The following PHLPP1 variants were observed in gnomAD, a reference collection of about 807,000 sequenced individuals.
PHLPP1 encodes the protein PH domain and leucine rich repeat protein phosphatase 1.
A neutral mutation model predicts 117.2 loss-of-function variants in PHLPP1; 42 were observed. The ratio of observed to expected loss-of-function variants is 0.36; its 90% CI spans 0.28 to 0.46. PHLPP1 has a LOEUF of 0.46. PHLPP1 is among the 20% of genes least tolerant of loss of function. The probability of loss-of-function intolerance (pLI) is 1.00; values close to 1 mark genes in which losing one functional copy is unlikely to be tolerated. For synonymous variants in PHLPP1, 1,042 were observed against 970.7 expected (o/e 1.07, Z -1.37); for missense variants, 2,084 against 2,241.9 (o/e 0.93, Z 1.42).
At chr18:62,775,388 C>T (rs924216123) in intron 1 of PHLPP1, among the ~76,000 whole-genome samples, 3 of 152,170 alleles carry the variant, frequency 2.0e-5, no homozygotes, top group Admixed American at 1.3e-4. Flanking sequence ...CGTGAGCCAC[C>T]GCGCCCAGCC....
At chr18:62,735,564 A>AAAC (rs34600395) in intron 1 of PHLPP1, among the ~76,000 whole-genome samples, 13,456 of 142,906 alleles carry the variant, frequency 0.094, 723 homozygotes, top group African/African-American at 0.17. Context: ...CCCCCCATCA[A>AAAC]AACAACAACA....
At chr18:62,945,681 C>T (rs943985214) in intron 12 of PHLPP1, among the ~76,000 whole-genome samples, 37 of 152,324 alleles carry the variant, frequency 2.4e-4, no homozygotes, top group African/African-American at 7.2e-4. Context: ...CCAACTCACC[C>T]AGTTAAATAG....
intron 12 of PHLPP1, among the ~76,000 whole-genome samples, chr18:62,949,050 T>TA (rs766490717): frequency 6.6e-6 from 1 of 152,192 alleles, no homozygotes; most frequent in Non-Finnish European, 1.5e-5. Flanking sequence ...CAACCTGTAT[T>TA]AAAATTTTAT....
intron 1 of PHLPP1, among the ~76,000 whole-genome samples, chr18:62,828,232 C>T (rs1002657588): frequency 6.6e-6 from 1 of 152,140 alleles, no homozygotes; most frequent in Non-Finnish European, 1.5e-5. Flanking sequence ...AGCTCTTAGA[C>T]TGGAAACCCC....
intron 1 of PHLPP1, among the ~76,000 whole-genome samples, chr18:62,729,127 A>G (rs1018113800): frequency 2.0e-5 from 3 of 152,224 alleles, no homozygotes; most frequent in African/African-American, 7.2e-5. Flanking sequence ...TTCCAAATAT[A>G]GAAAAGTCAA....
At chr18:62,783,565 T>G (rs911629598) in intron 1 of PHLPP1, among the ~76,000 whole-genome samples, 5 of 152,334 alleles carry the variant, frequency 3.3e-5, no homozygotes, top group Admixed American at 1.3e-4. Flanking sequence ...GTAATGGTTA[T>G]TGTAACAAGA....
At chr18:62,925,608 CA>C (rs1295536438) in intron 10 of PHLPP1, among the ~76,000 whole-genome samples, 1 of 150,324 alleles carries the variant, frequency 6.7e-6, no homozygotes, top group Non-Finnish European at 1.5e-5. Context: ...TGCCTTTTGG[CA>C]AAGACAGATA....
rs537738599 is a variant in PHLPP1, at chr18:62,948,604, T to G, written c.3324+3333T>G. Among the ~76,000 whole-genome samples, 580 of 152,262 alleles carry G rather than the reference T, an allele frequency of 3.8e-3. 8 individuals are homozygous for G. The highest frequency in any genetic ancestry group is 1.1e-3 in the Non-Finnish European group (74 of 68,024). Reference sequence around the variant, plus strand: ...CTATTACACCTTAGCATTTTTCTTATGTTAACAATATCCATTCTTTCAGGC... The same window carrying G: ...CTATTACACCTTAGCATTTTTCTTAGGTTAACAATATCCATTCTTTCAGGC... On this transcript the variant is annotated intron_variant, in intron 12 of 16. Transcript: ENST00000262719.
At chr18:62,933,221 C>T (rs1291516028) in intron 10 of PHLPP1, among the ~76,000 whole-genome samples, 1 of 152,072 alleles carries the variant, frequency 6.6e-6, no homozygotes, top group East Asian at 1.9e-4. Context: ...TAATTCCTAT[C>T]AAACTACCAA....
chr18:62,907,539 T>G (rs1156743378), intron 8 of PHLPP1, among the ~76,000 whole-genome samples: 1 of 136,396 alleles, frequency 7.3e-6, no homozygotes, highest in Admixed American at 7.7e-5. Flanking sequence ...TGCGATCAAC[T>G]GGAAGAAAGG....
chr18:62,844,949 A>T (rs1331457567), intron 3 of PHLPP1, among the ~76,000 whole-genome samples: 3 of 152,246 alleles, frequency 2.0e-5, no homozygotes, highest in Non-Finnish European at 4.4e-5. Flanking sequence ...TTGAATCTGA[A>T]TAGTAACATG....
rs559035496 is a variant in PHLPP1, at chr18:62,734,617, C to G, written c.1576+17358C>G. On this transcript the variant is annotated intron_variant, in intron 1 of 16. Transcript: ENST00000262719. The stretch of plus-strand genomic sequence containing the variant: ...ATAATTATGAGAAACACCATGGTAA[C>G]AAAAAAAATTATTTCAGCCTGTCTG... Among the ~76,000 whole-genome samples the G allele has an allele frequency of 1.8e-4, 28 of 151,958 alleles. No individual in the cohort carries two copies. The South Asian group carries it at 5.6e-3, about 30-fold the overall frequency.
chr18:62,892,234 G>A (rs1300933296), intron 4 of PHLPP1, among the ~76,000 whole-genome samples: 1 of 151,554 alleles, frequency 6.6e-6, no homozygotes, highest in Non-Finnish European at 1.5e-5. Context: ...GACTACAGGT[G>A]CACACCACCA....
rs116229609 is a variant in PHLPP1 at position 62,942,051 on chromosome 18, C to G, written c.3161+133C>G. 457 of 664,136 alleles carry G rather than the reference C, an allele frequency of 6.9e-4. No homozygotes were observed. The African/African-American group carries it at 7.7e-3, about 11-fold the overall frequency. 41.1% of individuals were successfully genotyped at this position (664,136 alleles called of 1,614,324 possible). A position where few individuals can be genotyped will look rare whatever the true frequency, so the allele number is the denominator to read the frequency against. ...CTTGTTCCTGCTCCCTTCACAGTTT[C>G]CTTTATGTAAGCTATGATGACATTT... On this transcript the variant is annotated intron_variant, in intron 11 of 16. Transcript: ENST00000262719.
rs192279962 is a variant in PHLPP1 at position 62,755,244 on chromosome 18, C to A, written c.1576+37985C>A. On this transcript the variant is annotated intron_variant, in intron 1 of 16. Transcript: ENST00000262719. The stretch of plus-strand genomic sequence containing the variant: ...GTTGAAAAGCACTTCTGTAACTAGC[C>A]CGGACGTCCAAAACCTGATCCTGTC... Among the ~76,000 whole-genome samples the A allele has an allele frequency of 1.0e-3, 158 of 151,928 alleles. 1 individual carries two copies. The highest frequency in any genetic ancestry group is 5.6e-3 in the South Asian group (27 of 4,812).
intron 9 of PHLPP1, among the ~76,000 whole-genome samples, chr18:62,916,806 T>C (rs529594332): frequency 3.0e-5 from 4 of 131,316 alleles, no homozygotes; most frequent in South Asian, 2.7e-4. Flanking sequence ...CAGGCTGCAA[T>C]GCAGTGGTGC....
At chr18:62,899,113 A>AT (rs1274635882) in intron 6 of PHLPP1, among the ~76,000 whole-genome samples, 2 of 152,092 alleles carry the variant, frequency 1.3e-5, no homozygotes, top group African/African-American at 4.8e-5. Flanking sequence ...ACTAATTTAG[A>AT]TGTTGTCAAA....
chr18:62,791,183 T>A (rs1042115910), intron 1 of PHLPP1, among the ~76,000 whole-genome samples: 1 of 152,106 alleles, frequency 6.6e-6, no homozygotes, highest in Non-Finnish European at 1.5e-5. Context: ...TTTTAAAAAA[T>A]TTTGTGGGAT....
chr18:62,743,739 C>T (rs766268937), intron 1 of PHLPP1, among the ~76,000 whole-genome samples: 2 of 151,918 alleles, frequency 1.3e-5, no homozygotes, highest in Non-Finnish European at 2.9e-5. Context: ...TTAGGTTTCC[C>T]GCCTCTCCAG....
Sources: allele counts gnomAD v4.1 joint callset (sites outside exome capture counted in the v4.1 genomes callset), GRCh38; gene constraint gnomAD v4.1.1; transcripts MANE v1.5; gene names NCBI Gene and HGNC (gene_info 2026-07-23, HGNC 2026-07-21).